Variants in P3H2 observed in about 807,000 individuals in gnomAD.
P3H2 encodes leprecan-like 1.
A neutral mutation model predicts 87.0 loss-of-function variants in P3H2; 80 were observed. The observed-to-expected ratio is 0.92, with a 90% CI of 0.77 to 1.11. The LOEUF (loss-of-function observed/expected upper bound fraction) is 1.11, where lower values mean the gene tolerates loss of function less well. Among genes scored for constraint, P3H2 ranks in the 50% least tolerant of loss-of-function variants. P3H2 has a pLI of 0.00. For missense variants in P3H2, 1,001 were observed against 923.9 expected, an observed-to-expected ratio of 1.08 and a Z score of -1.08; for synonymous variants, 367 against 359.3, an observed-to-expected ratio of 1.02 and a Z score of -0.24.
chr3:189,959,959 C>T (rs1043102664), intron 14 of P3H2, among the ~76,000 whole-genome samples: 2 of 151,266 alleles, frequency 1.3e-5, no homozygotes, highest in Admixed American at 6.6e-5. Context: ...GAATACAATT[C>T]GCATTTCCCA....
chr3:189,965,416 CTT>C (rs1427543273), intron 13 of P3H2, among the ~76,000 whole-genome samples: 2 of 151,996 alleles, frequency 1.3e-5, no homozygotes, highest in Non-Finnish European at 2.9e-5. Context: ...GTATATGTGA[CTT>C]GTGTGTGAGT....
intron 1 of P3H2, among the ~76,000 whole-genome samples, chr3:190,043,496 C>A (rs1725705463): frequency 6.6e-6 from 1 of 152,154 alleles, no homozygotes. Flanking sequence ...GTGCAGGTCA[C>A]CCGTGAGAAC....
At chr3:190,052,276 G>A (rs1043560466) in intron 1 of P3H2, among the ~76,000 whole-genome samples, 22 of 151,878 alleles carry the variant, frequency 1.4e-4, no homozygotes, top group Admixed American at 7.9e-4. Context: ...GGTGTGTGAT[G>A]TTACCCTCCC....
At chr3:189,971,751 G>T in intron 12 of P3H2, 139 bp downstream of exon 12, 1 of 693,868 alleles carries the variant, frequency 1.4e-6, no homozygotes, top group Admixed American at 2.1e-5. Context: ...GGTTATGGCA[G>T]CTACTTCAGA....
intron 1 of P3H2, among the ~76,000 whole-genome samples, chr3:190,044,674 C>T (rs1839074): frequency 0.43 from 64,747 of 152,070 alleles, 15,951 homozygotes; most frequent in African/African-American, 0.7. Context: ...CCAGAAAATA[C>T]AATGGTACAA....
At chr3:190,111,129 T>C (rs1307095997) in intron 1 of P3H2, among the ~76,000 whole-genome samples, 1 of 152,226 alleles carries the variant, frequency 6.6e-6, no homozygotes, top group Non-Finnish European at 1.5e-5. Flanking sequence ...GGAAACAGCA[T>C]TGACTCAGGT....
chr3:190,025,775 T>A (rs1162285198), intron 1 of P3H2, among the ~76,000 whole-genome samples: 3 of 152,124 alleles, frequency 2.0e-5, no homozygotes, highest in African/African-American at 7.2e-5. Context: ...ATAATAAACC[T>A]CAGTCGGGAA....
At chr3:190,042,969 A>C (rs1172793791) in intron 1 of P3H2, among the ~76,000 whole-genome samples, 1 of 152,216 alleles carries the variant, frequency 6.6e-6, no homozygotes, top group Admixed American at 6.5e-5. Flanking sequence ...TGTAATCACT[A>C]GAAATGGTCG....
At chr3:190,059,413 C>CT (rs1356301043) in intron 1 of P3H2, among the ~76,000 whole-genome samples, 1 of 152,050 alleles carries the variant, frequency 6.6e-6, no homozygotes, top group Non-Finnish European at 1.5e-5. Flanking sequence ...TCATACAACA[C>CT]TGGAGGATGG....
At chr3:190,024,067 G>T (rs762235914) in intron 1 of P3H2, among the ~76,000 whole-genome samples, 3 of 152,176 alleles carry the variant, frequency 2.0e-5, no homozygotes, top group African/African-American at 4.8e-5. Flanking sequence ...AGGACATGGT[G>T]CATGGTGCCC....
chr3:190,060,841 T>C (rs6797021), intron 1 of P3H2, among the ~76,000 whole-genome samples: 18,883 of 152,134 alleles, frequency 0.12, 1,459 homozygotes, highest in Middle Eastern at 0.22. Flanking sequence ...AGTATAGAAA[T>C]GGCAGGAACC....
chr3:190,079,025 C>T (rs1726959481), intron 1 of P3H2, among the ~76,000 whole-genome samples: 1 of 152,124 alleles, frequency 6.6e-6, no homozygotes, highest in Non-Finnish European at 1.5e-5. Context: ...TAACCTCTGA[C>T]ATCAACATTC....
chr3:190,112,514 A>G (rs1337272774), intron 1 of P3H2, among the ~76,000 whole-genome samples: 1 of 152,212 alleles, frequency 6.6e-6, no homozygotes, highest in Non-Finnish European at 1.5e-5. Context: ...ACCTGACCTT[A>G]GGTCTACCAA....
chr3:190,069,816 A>C (rs1399653448), intron 1 of P3H2, among the ~76,000 whole-genome samples: 1 of 152,214 alleles, frequency 6.6e-6, no homozygotes, highest in Non-Finnish European at 1.5e-5. Context: ...TGGCTCTAGC[A>C]AGGGGTAGAC....
At position 189,964,021 on chromosome 3, in the gene P3H2, G is replaced by A. The variant is rs1156487724; in HGVS notation, c.1971C>T (p.Val657=). The A allele has an allele frequency of 3.1e-6, 5 of 1,614,180 alleles. No homozygotes were observed. In the East Asian group the frequency reaches 8.9e-5, roughly 29 times the overall value. Residue 657 remains valine, a synonymous_variant, in exon 14 of 15, where the codon GTC becomes GTT. Coordinates refer to ENST00000319332, the MANE Select transcript of P3H2 (RefSeq NM_018192.4). ...CCACAGCACACCTCTTTCCCTTGGT[G>A]ACTGCCTTCACCCCATGAGGGTTCT... is the stretch of plus-strand genomic sequence containing the variant. The part of the protein sequence containing the change: ...GGENPHGVKA[V]TKGKRCAVAL...
Position 190,025,873 on chromosome 3 carries a change from T to A in P3H2, c.481-30431A>T, listed in dbSNP as rs539922452. On this transcript the variant is annotated intron_variant, in intron 1 of 14. Coordinates refer to ENST00000319332, the MANE Select transcript of P3H2 (RefSeq NM_018192.4). ...ATCCTGACCATGGACCAAAAAAAAA[T>A]TTTTTTTGAAAAGCTAATTTTAGAA... Among the ~76,000 whole-genome samples the A allele has an allele frequency of 4.1e-3, 624 of 152,036 alleles. 4 individuals are homozygous for A. The highest frequency in any genetic ancestry group is 0.014 in the African/African-American group (589 of 41,460).
At chr3:190,084,222 C>G (rs1175414101) in intron 1 of P3H2, among the ~76,000 whole-genome samples, 1 of 152,180 alleles carries the variant, frequency 6.6e-6, no homozygotes, top group Non-Finnish European at 1.5e-5. Flanking sequence ...TCACCATTCA[C>G]TTCCTTTACA....
At chr3:190,087,281 A>G (rs986281443) in intron 1 of P3H2, among the ~76,000 whole-genome samples, 13 of 152,328 alleles carry the variant, frequency 8.5e-5, no homozygotes, top group African/African-American at 3.1e-4. Context: ...TCACGCCTGT[A>G]ATCCCAGCAC....
intron 1 of P3H2, among the ~76,000 whole-genome samples, chr3:189,998,086 T>A (rs933716547): frequency 2.6e-5 from 4 of 152,164 alleles, no homozygotes; most frequent in Non-Finnish European, 5.9e-5. Flanking sequence ...TAGAAAAAGA[T>A]AAATAATAGC....
Sources: gnomAD v4.1 joint callset for allele counts (sites outside exome capture counted in the v4.1 genomes callset) on GRCh38, gnomAD v4.1.1 for gene constraint, MANE v1.5 for transcripts, NCBI Gene and HGNC (gene_info 2026-07-23, HGNC 2026-07-21) for gene names.